Variants in DNAH14 observed in about 807,000 individuals in gnomAD.
DNAH14 encodes axonemal beta dynein heavy chain 14.
A neutral mutation model predicts 520.9 loss-of-function variants in DNAH14; 478 were observed. The ratio of observed to expected loss-of-function variants is 0.92; its 90% CI spans 0.85 to 0.99. The LOEUF is 0.99. Among genes scored for constraint, DNAH14 ranks in the 50% least tolerant of loss-of-function variants. The probability of loss-of-function intolerance (pLI) is 0.00; values close to 1 mark genes in which losing one functional copy is unlikely to be tolerated. For missense variants in DNAH14, 4,831 were observed against 5,234.5 expected (o/e 0.92, Z 2.38); for synonymous variants, 1,581 against 1,757.2 (o/e 0.90, Z 2.51).
rs944913217 is a variant in DNAH14, at chr1:225,346,082, G to A, written c.10799G>A (p.Arg3600His). ...KKAESEIQAI[R>H]KNYLPIATRG... Reference sequence around the variant, plus strand: ...GCTGAAAGTGAAATCCAAGCAATACGTAAAAACTATCTCCCCATTGCGACC... The same window carrying A: ...GCTGAAAGTGAAATCCAAGCAATACATAAAAACTATCTCCCCATTGCGACC... Residue 3600 changes from arginine to histidine, a missense_variant, in exon 70 of 86, where the codon CGT (arginine) becomes CAT (histidine). By Grantham distance (29) the Arg-to-His change is conservative. Coordinates refer to ENST00000682510, the MANE Select transcript of DNAH14 (RefSeq NM_001367479.1). 2.0e-5 allele frequency: 31 copies of A among 1,551,554 alleles called. No individual in the cohort carries two copies. Among genetic ancestry groups the A allele is most frequent in the Middle Eastern group, 1.7e-4 (1 of 6,014 alleles).
chr1:225,181,671 T>A (rs1240700667), intron 36 of DNAH14, among the ~76,000 whole-genome samples: 3 of 152,186 alleles, frequency 2.0e-5, no homozygotes, highest in Admixed American at 2.0e-4. Flanking sequence ...TTAATGGAGT[T>A]GTTTATTTAT....
rs2080760421 is a variant in DNAH14 at position 225,153,846 on chromosome 1, G to T, written c.5273+20G>T. On this transcript the variant is annotated intron_variant, in intron 34 of 85. Coordinates refer to ENST00000682510, the MANE Select transcript of DNAH14 (RefSeq NM_001367479.1). ...TAAATGGTCAGTTGAATTTTGAATT[G>T]TTAGGTCAAAGGGAGTTATATACTG... The T allele has an allele frequency of 1.3e-6, 2 of 1,535,238 alleles. No individual in the cohort carries two copies. The highest frequency in any genetic ancestry group is 1.8e-6 in the Non-Finnish European group (2 of 1,133,352).
chr1:225,147,619 T>C (rs897803245), intron 31 of DNAH14, among the ~76,000 whole-genome samples: 1 of 152,206 alleles, frequency 6.6e-6, no homozygotes, highest in Admixed American at 6.5e-5. Flanking sequence ...CAAATGCTGC[T>C]TTTTTTATTT....
rs114655551 is a variant in DNAH14, at chr1:225,075,185, G to A, written c.2425-4022G>A. The stretch of plus-strand genomic sequence containing the variant: ...AGGGTTGCAAAGATCCATGGGAGAA[G>A]TGTGGTTTCCTGTGGTCACACATTC... On this transcript the variant is annotated intron_variant, in intron 17 of 85. Transcript: ENST00000682510. Among the ~76,000 whole-genome samples the A allele has an allele frequency of 2.8e-3, 432 of 152,298 alleles. 1 individual carries two copies. Among genetic ancestry groups the A allele is most frequent in the African/African-American group, 9.6e-3 (400 of 41,578 alleles).
intron 42 of DNAH14, among the ~76,000 whole-genome samples, chr1:225,237,687 T>C (rs1034958500): frequency 1.3e-5 from 2 of 152,226 alleles, no homozygotes; most frequent in Non-Finnish European, 2.9e-5. Context: ...TCCTGGATGA[T>C]ATCCTGAAGT....
At chr1:225,055,797 G>C (rs2069003421) in intron 17 of DNAH14, among the ~76,000 whole-genome samples, 2 of 149,098 alleles carry the variant, frequency 1.3e-5, no homozygotes, top group African/African-American at 2.5e-5. Context: ...TTGGTTTTTT[G>C]TCCTTGCGAT....
At position 225,192,591 on chromosome 1, in the gene DNAH14, G is replaced by A. The variant is rs1188475224; in HGVS notation, c.5671-105G>A. ...CTACCTTTATATAAAATCTTTTTTT[G>A]GTGTGAAAGGTTTCTCCTATAACCT... On this transcript the variant is annotated intron_variant, in intron 37 of 85. Transcript: ENST00000682510. 1.6e-5 allele frequency: 11 copies of A among 689,708 alleles called. No homozygotes were observed. In the East Asian group the frequency reaches 3.1e-4, roughly 20 times the overall value. The allele number at this position is 689,708 out of a possible 1,614,324, so 42.7% of individuals were successfully genotyped here.
At chr1:225,236,514 G>A (rs1337800507) in intron 42 of DNAH14, among the ~76,000 whole-genome samples, 1 of 152,218 alleles carries the variant, frequency 6.6e-6, no homozygotes, top group Non-Finnish European at 1.5e-5. Context: ...TTTGGGTGAA[G>A]AGTTCTGTAG....
intron 38 of DNAH14, among the ~76,000 whole-genome samples, chr1:225,203,826 A>T (rs2087177952): frequency 6.7e-6 from 1 of 149,362 alleles, no homozygotes. Flanking sequence ...GATATGAAGG[A>T]AAGTCTAGAA....
intron 11 of DNAH14, among the ~76,000 whole-genome samples, chr1:225,032,192 A>G (rs535430477): frequency 6.6e-6 from 1 of 152,096 alleles, no homozygotes; most frequent in Non-Finnish European, 1.5e-5. Context: ...ATTAAGCTCA[A>G]TACCCAATAA....
At chr1:225,154,692 C>CT (rs748868089) in intron 34 of DNAH14, among the ~76,000 whole-genome samples, 4 of 151,916 alleles carry the variant, frequency 2.6e-5, no homozygotes, top group Non-Finnish European at 5.9e-5. Flanking sequence ...AGGATAAACT[C>CT]TAAAAGGATA....
At chr1:225,139,467 C>G (rs1463030763) in intron 27 of DNAH14, among the ~76,000 whole-genome samples, 2 of 152,202 alleles carry the variant, frequency 1.3e-5, no homozygotes, top group Non-Finnish European at 2.9e-5. Context: ...CAGTTTACAA[C>G]TCCCCTTTCT....
At position 225,335,506 on chromosome 1, in the gene DNAH14, CATATACATATGTACAT is replaced by C. The variant is rs1161559822; in HGVS notation, c.10081-1737_10081-1722del. On this transcript the variant is annotated intron_variant, in intron 66 of 85. Transcript: ENST00000682510. ...ACATATACACGTGTGTACATGTACA[CATATACATATGTACAT>C]ATATACATATGTACATATATACGTA... 4.1e-5 allele frequency among the ~76,000 whole-genome samples: 2 copies of C among 48,204 alleles called. 1 individual carries two copies. The highest frequency in any genetic ancestry group is 7.0e-5 in the Non-Finnish European group (2 of 28,460). 31.6% of individuals were successfully genotyped at this position (48,204 alleles called of 152,430 possible).
At chr1:225,354,236 G>A (rs1316225487) in intron 73 of DNAH14, 2 of 701,912 alleles carry the variant, frequency 2.8e-6, no homozygotes, top group Non-Finnish European at 5.2e-6. Context: ...TGGTCCTGTA[G>A]GGAGAGGCCA....
chr1:225,150,839 C>T (rs1380163525), intron 31 of DNAH14, among the ~76,000 whole-genome samples: 1 of 152,012 alleles, frequency 6.6e-6, no homozygotes, highest in Non-Finnish European at 1.5e-5. Context: ...AAGCAATTCT[C>T]ATGCTGGTAT....
intron 36 of DNAH14, among the ~76,000 whole-genome samples, chr1:225,178,258 A>G (rs1228796046): frequency 6.6e-6 from 1 of 152,210 alleles, no homozygotes; most frequent in East Asian, 1.9e-4. Flanking sequence ...AAGACTGGGA[A>G]GAAAAAGAGA....
At chr1:225,248,031 T>C (rs1031593685) in intron 43 of DNAH14, among the ~76,000 whole-genome samples, 6 of 151,976 alleles carry the variant, frequency 3.9e-5, no homozygotes, top group Non-Finnish European at 8.8e-5. Flanking sequence ...ATAATAATAA[T>C]AATAATTAGA....
At chr1:225,277,552 A>T in intron 54 of DNAH14, 50 bp downstream of exon 54, 1 of 461,846 alleles carries the variant, frequency 2.2e-6, no homozygotes, top group South Asian at 1.6e-5. Context: ...AATAAAATAA[A>T]TCCCAATAAA....
chr1:225,166,716 A>G (rs549506679), intron 35 of DNAH14, among the ~76,000 whole-genome samples: 15 of 152,330 alleles, frequency 9.8e-5, no homozygotes, highest in African/African-American at 3.6e-4. Flanking sequence ...TCTCTAACAC[A>G]TCCAAAGTGT....
Sources: allele counts gnomAD v4.1 joint callset (sites outside exome capture counted in the v4.1 genomes callset), GRCh38; gene constraint gnomAD v4.1.1; transcripts MANE v1.5; gene names NCBI Gene and HGNC (gene_info 2026-07-23, HGNC 2026-07-21).